The following GBP7 variants were observed in gnomAD, a reference collection of about 807,000 sequenced individuals.
GBP7 encodes the protein guanylate binding protein 7, also known as guanylate-binding protein 7.
A neutral mutation model predicts 61.3 loss-of-function variants in GBP7; 43 were observed. That is an observed-to-expected ratio of 0.70 (90% CI 0.55 to 0.91). The LOEUF (loss-of-function observed/expected upper bound fraction) is 0.91, where lower values mean the gene tolerates loss of function less well. Ranked by LOEUF, GBP7 falls within the 40% of genes least tolerant of loss-of-function variation. The pLI, the probability that GBP7 is intolerant of heterozygous loss-of-function variation, is 0.00. For missense variants in GBP7, 717 were observed against 740.5 expected (o/e 0.97, Z 0.37); for synonymous variants, 267 against 271.0 (o/e 0.99, Z 0.14).
intron 9 of GBP7, among the ~76,000 whole-genome samples, chr1:89,138,682 A>G (rs184364344): frequency 1.3e-5 from 2 of 152,330 alleles, no homozygotes; most frequent in Admixed American, 1.3e-4. Context: ...AATCAACTCA[A>G]GATGAGTTAA....
chr1:89,153,299 T>C (rs115317895), intron 3 of GBP7, among the ~76,000 whole-genome samples: 44 of 152,350 alleles, frequency 2.9e-4, no homozygotes, highest in African/African-American at 9.4e-4. Context: ...TATATATAGC[T>C]GAATAGTAGG....
rs1212825396 is a variant in GBP7, at chr1:89,150,555, T to G, written c.646A>C (p.Asn216His). Residue 216 changes from asparagine (N) to histidine (H), a missense_variant, in exon 6 of 11, where the codon AAT becomes CAT. By Grantham distance (68) the Asn-to-His change is moderately conservative (BLOSUM62 1). This residue lies in a region of GBP7 where 387 missense variants were observed against 385.2 expected (regional missense o/e 1.00). Transcript: ENST00000294671. ...ATCCACTCCCTGGGCTTGTTAGAAT[T>G]TTGGATTTGGGGATTCTTGCCTGCA... ...LISGKNPQIQ[N>H]SNKPREWIRH... 1 of 1,613,768 alleles carries G rather than the reference T, an allele frequency of 6.2e-7. No individual in the cohort carries two copies. The highest frequency in any genetic ancestry group is 8.5e-7 in the Non-Finnish European group (1 of 1,179,778).
At chr1:89,138,616 T>A (rs1380305237) in intron 9 of GBP7, among the ~76,000 whole-genome samples, 1 of 152,190 alleles carries the variant, frequency 6.6e-6, no homozygotes, top group Non-Finnish European at 1.5e-5. Context: ...CTGGGTTAAC[T>A]GGCTAGCTAT....
chr1:89,158,874 T>C (rs1682371694), intron 3 of GBP7, among the ~76,000 whole-genome samples: 1 of 152,112 alleles, frequency 6.6e-6, no homozygotes, highest in Non-Finnish European at 1.5e-5. Flanking sequence ...TTAAAGTTCA[T>C]ATGGAACCAA....
intron 8 of GBP7, among the ~76,000 whole-genome samples, chr1:89,144,164 T>A (rs905079667): frequency 2.0e-5 from 3 of 152,202 alleles, no homozygotes; most frequent in Non-Finnish European, 4.4e-5. Context: ...TCACTTAGGA[T>A]AATGGCCTCC....
At chr1:89,156,937 G>A (rs953679471) in intron 3 of GBP7, among the ~76,000 whole-genome samples, 3 of 152,092 alleles carry the variant, frequency 2.0e-5, no homozygotes, top group East Asian at 3.9e-4. Flanking sequence ...ATTCCAAAAT[G>A]GACCACATAG....
intron 1 of GBP7, among the ~76,000 whole-genome samples, chr1:89,174,504 TC>T (rs1396127049): frequency 6.6e-6 from 1 of 152,240 alleles, no homozygotes; most frequent in African/African-American, 2.4e-5. Flanking sequence ...AAAGCTGAGC[TC>T]GCTGAGCTCA....
At chr1:89,162,285 A>T (rs1419447360) in intron 3 of GBP7, among the ~76,000 whole-genome samples, 1 of 152,178 alleles carries the variant, frequency 6.6e-6, no homozygotes, top group Non-Finnish European at 1.5e-5. Flanking sequence ...TGAATTTTTT[A>T]AAAACAGTTT....
chr1:89,162,696 G>A (rs1422416198), intron 3 of GBP7, among the ~76,000 whole-genome samples: 2 of 152,162 alleles, frequency 1.3e-5, no homozygotes, highest in Non-Finnish European at 2.9e-5. Context: ...ATATAATCAT[G>A]TCATTGACAA....
chr1:89,158,699 T>G (rs942836025), intron 3 of GBP7, among the ~76,000 whole-genome samples: 1 of 152,084 alleles, frequency 6.6e-6, no homozygotes, highest in African/African-American at 2.4e-5. Flanking sequence ...CTCTGCTCAA[T>G]GAAGTAAAAG....
intron 1 of GBP7, among the ~76,000 whole-genome samples, chr1:89,172,973 T>C (rs892481341): frequency 1.3e-5 from 2 of 152,156 alleles, no homozygotes; most frequent in African/African-American, 4.8e-5. Context: ...ATTCTGAGGG[T>C]TTCAATACTT....
chr1:89,133,196 T>C (rs1681717228), intron 10 of GBP7, 62 bp downstream of exon 10: 2 of 1,336,820 alleles, frequency 1.5e-6, no homozygotes, highest in Non-Finnish European at 2.1e-6. Flanking sequence ...AAATTTTGGC[T>C]CTTCCCTAAA....
chr1:89,141,701 G>A (rs1681955748), intron 8 of GBP7, 53 bp from the exon 9 acceptor site: 2 of 1,377,872 alleles, frequency 1.5e-6, no homozygotes, highest in Non-Finnish European at 2.1e-6. Flanking sequence ...ATCTTGTCTT[G>A]TGATGAGGAA....
intron 9 of GBP7, among the ~76,000 whole-genome samples, chr1:89,135,040 A>C (rs1681766695): frequency 6.6e-6 from 1 of 152,242 alleles, no homozygotes; most frequent in Non-Finnish European, 1.5e-5. Context: ...ATGCTACAAG[A>C]ATTTCATAAT....
intron 2 of GBP7, among the ~76,000 whole-genome samples, chr1:89,169,527 C>T (rs949104281): frequency 6.6e-6 from 1 of 152,168 alleles, no homozygotes; most frequent in Admixed American, 6.5e-5. Flanking sequence ...CAGCCCTATG[C>T]ATTACTTTTG....
chr1:89,168,670 C>T (rs865998825), intron 2 of GBP7, among the ~76,000 whole-genome samples: 1 of 152,132 alleles, frequency 6.6e-6, no homozygotes, highest in Middle Eastern at 3.4e-3. Flanking sequence ...TGTGGTGGCT[C>T]ACACCTGTAA....
intron 6 of GBP7, 77 bp downstream of exon 6, chr1:89,150,253 G>T: frequency 7.4e-7 from 1 of 1,347,138 alleles, no homozygotes; most frequent in Non-Finnish European, 1.0e-6. Context: ...CCAGTTGTTC[G>T]TGCTCATAAG....
At chr1:89,141,398 A>G in intron 9 of GBP7, 148 bp downstream of exon 9, 1 of 534,596 alleles carries the variant, frequency 1.9e-6, no homozygotes. Flanking sequence ...TTCAATCCCA[A>G]CTCCCCTTGT....
At chr1:89,142,775 T>C (rs1469956799) in intron 8 of GBP7, among the ~76,000 whole-genome samples, 1 of 57,654 alleles carries the variant, frequency 1.7e-5, no homozygotes, top group Non-Finnish European at 3.3e-5. Flanking sequence ...GTTATTTTCC[T>C]TGTTCCCTTC....
Sources: gnomAD v4.1 joint callset for allele counts (sites outside exome capture counted in the v4.1 genomes callset) on GRCh38, gnomAD v4.1.1 for gene constraint, gnomAD v4.1.1 regional missense constraint, MANE v1.5 for transcripts, NCBI Gene and HGNC (gene_info 2026-07-23, HGNC 2026-07-21) for gene names.